Variants in DSCAM observed in about 807,000 individuals in gnomAD.
DSCAM encodes the protein cell adhesion molecule DSCAM.
A neutral mutation model predicts 217.7 loss-of-function variants in DSCAM; 47 were observed. The ratio of observed to expected loss-of-function variants is 0.22; its 90% CI spans 0.17 to 0.28. The LOEUF (loss-of-function observed/expected upper bound fraction) is 0.28. Ranked by LOEUF, DSCAM falls within the 10% of genes least tolerant of loss-of-function variation. The pLI is 1.00. For synonymous variants in DSCAM, 1,056 were observed against 1,015.3 expected (o/e 1.04, Z -0.76); for missense variants, 2,080 against 2,618.3 (o/e 0.79, Z 4.49).
rs188973002 is a variant in DSCAM at position 40,488,898 on chromosome 21, T to C, written c.509-119653A>G. On this transcript the variant is annotated intron_variant, in intron 3 of 32. Coordinates refer to ENST00000400454, the MANE Select transcript of DSCAM (RefSeq NM_001389.5). ...GAGTTCACAGCGATTTCAAAGAGAA[T>C]TCACAGAGATTCTGCAGCCACGTGG... is the stretch of plus-strand genomic sequence containing the variant. Among the ~76,000 whole-genome samples, 4 of 152,278 alleles carry C rather than the reference T, an allele frequency of 2.6e-5. No homozygotes were observed. The East Asian group carries it at 7.7e-4, about 29-fold the overall frequency.
intron 3 of DSCAM, among the ~76,000 whole-genome samples, chr21:40,688,508 T>C (rs1311362824): frequency 2.0e-4 from 30 of 152,186 alleles, no homozygotes; most frequent in Non-Finnish European, 1.5e-5. Context: ...TTTAAAAGGA[T>C]TTCATTGCAG....
chr21:40,502,653 C>T (rs2178843), intron 3 of DSCAM, among the ~76,000 whole-genome samples: 104,156 of 152,104 alleles, frequency 0.68, 37,210 homozygotes, highest in African/African-American at 0.91. Flanking sequence ...CGGGTTCTCC[C>T]GTCTCTTCCT....
At chr21:40,754,253 CCTTT>C (rs1351376295) in intron 1 of DSCAM, among the ~76,000 whole-genome samples, 1 of 152,180 alleles carries the variant, frequency 6.6e-6, no homozygotes, top group Non-Finnish European at 1.5e-5. Flanking sequence ...ATAATAGCCT[CCTTT>C]CTATTTTCTG....
chr21:40,174,455 C>G (rs898588720), intron 15 of DSCAM, among the ~76,000 whole-genome samples: 1 of 151,850 alleles, frequency 6.6e-6, no homozygotes. Flanking sequence ...GGTGGCCAGA[C>G]TTCATCAGAG....
chr21:40,133,134 C>G (rs552547749), intron 19 of DSCAM, among the ~76,000 whole-genome samples: 15 of 152,354 alleles, frequency 9.8e-5, no homozygotes, highest in Admixed American at 3.3e-4. Flanking sequence ...ACTTTTCTCA[C>G]TACCACGGTA....
intron 3 of DSCAM, among the ~76,000 whole-genome samples, chr21:40,580,837 T>C (rs929976069): frequency 2.6e-5 from 4 of 152,154 alleles, no homozygotes; most frequent in African/African-American, 9.7e-5. Flanking sequence ...TTGAAAAGTA[T>C]CTTGTGGAGC....
chr21:40,127,158 CATTT>C (rs1490190322), intron 19 of DSCAM, among the ~76,000 whole-genome samples: 5 of 152,212 alleles, frequency 3.3e-5, no homozygotes, highest in African/African-American at 9.6e-5. Context: ...TCATGTAAAT[CATTT>C]ATTTATTGTT....
intron 1 of DSCAM, among the ~76,000 whole-genome samples, chr21:40,807,234 A>C (rs182254077): frequency 2.0e-5 from 3 of 152,310 alleles, no homozygotes; most frequent in Admixed American, 6.5e-5. Flanking sequence ...CTGGCTGACC[A>C]CGTAACCATA....
intron 30 of DSCAM, among the ~76,000 whole-genome samples, chr21:40,045,253 T>C (rs1354738755): frequency 2.6e-5 from 4 of 152,244 alleles, no homozygotes; most frequent in African/African-American, 9.6e-5. Context: ...GACTGTTTTA[T>C]TCATTAAGTT....
rs185152931 is a variant in DSCAM at position 40,461,012 on chromosome 21, A to G, written c.509-91767T>C. The stretch of plus-strand genomic sequence containing the variant: ...TTATTGATTTATACGACTATCAGTT[A>G]CAGCCCTGTTCATAGTTGCAAAAGA... On this transcript the variant is annotated intron_variant, in intron 3 of 32. Transcript: ENST00000400454. Among the ~76,000 whole-genome samples the G allele has an allele frequency of 4.6e-5, 7 of 152,354 alleles. No homozygotes were observed. In the East Asian group the frequency reaches 1.4e-3, roughly 29 times the overall value.
chr21:40,119,448 G>A (rs1219852216), intron 20 of DSCAM, among the ~76,000 whole-genome samples: 5 of 152,092 alleles, frequency 3.3e-5, no homozygotes, highest in Non-Finnish European at 7.4e-5. Context: ...GTACGCAGAT[G>A]GTGGTAAGCT....
At chr21:40,174,063 A>T (rs2090690603) in intron 15 of DSCAM, among the ~76,000 whole-genome samples, 1 of 152,172 alleles carries the variant, frequency 6.6e-6, no homozygotes, top group Non-Finnish European at 1.5e-5. Flanking sequence ...GTCATGTGTC[A>T]CGTGGCTGAT....
At chr21:40,705,303 G>A (rs1014050945) in intron 2 of DSCAM, among the ~76,000 whole-genome samples, 3 of 152,332 alleles carry the variant, frequency 2.0e-5, no homozygotes, top group East Asian at 1.9e-4. Flanking sequence ...CATAAGGCAA[G>A]CATAGGACAC....
intron 4 of DSCAM, among the ~76,000 whole-genome samples, chr21:40,365,051 A>C (rs887857385): frequency 2.7e-5 from 4 of 150,866 alleles, no homozygotes; most frequent in Non-Finnish European, 3.0e-5. Flanking sequence ...AATAAAAATG[A>C]GTATCTATAA....
At chr21:40,687,126 T>C (rs527533032) in intron 3 of DSCAM, among the ~76,000 whole-genome samples, 24 of 152,280 alleles carry the variant, frequency 1.6e-4, no homozygotes, top group African/African-American at 5.1e-4. Context: ...GATTAGATGA[T>C]ACATACAAAG....
intron 1 of DSCAM, among the ~76,000 whole-genome samples, chr21:40,739,283 A>G (rs1474037501): frequency 6.6e-6 from 1 of 152,180 alleles, no homozygotes; most frequent in African/African-American, 2.4e-5. Flanking sequence ...GAGGAGTCGG[A>G]CAGAGAAATC....
chr21:40,663,063 A>G (rs62226468), intron 3 of DSCAM, among the ~76,000 whole-genome samples: 120,601 of 150,976 alleles, frequency 0.8, 49,834 homozygotes, highest in East Asian at 0.98. Context: ...GTGTGTGCGC[A>G]CCTGTGTGTA....
intron 1 of DSCAM, among the ~76,000 whole-genome samples, chr21:40,730,584 A>C (rs1047331005): frequency 2.0e-5 from 3 of 152,206 alleles, no homozygotes; most frequent in African/African-American, 7.2e-5. Context: ...CGCCCATAGC[A>C]TCTATCAAGG....
intron 1 of DSCAM, among the ~76,000 whole-genome samples, chr21:40,738,850 G>A (rs1382942356): frequency 6.6e-6 from 1 of 152,186 alleles, no homozygotes; most frequent in Non-Finnish European, 1.5e-5. Context: ...CTTGGAAGGT[G>A]CATCACTTCA....
Sources: gnomAD v4.1 joint callset for allele counts (sites outside exome capture counted in the v4.1 genomes callset) on GRCh38, gnomAD v4.1.1 for gene constraint, MANE v1.5 for transcripts, NCBI Gene and HGNC (gene_info 2026-07-23, HGNC 2026-07-21) for gene names.